VKORC1L1: variants seen among roughly 807,000 people sequenced by gnomAD.
VKORC1L1 encodes the protein vitamin K epoxide reductase complex subunit 1-like protein 1.
A neutral mutation model predicts 18.9 loss-of-function variants in VKORC1L1; 2 were observed. The observed-to-expected ratio is 0.11, with a 90% CI of 0.04 to 0.33. The LOEUF is 0.33. Ranked by LOEUF, VKORC1L1 falls within the 10% of genes least tolerant of loss-of-function variation. The probability of loss-of-function intolerance (pLI) is 1.00; values close to 1 mark genes in which losing one functional copy is unlikely to be tolerated. For synonymous variants in VKORC1L1, 96 were observed against 100.0 expected (o/e 0.96, Z 0.24); for missense variants, 123 against 224.1 (o/e 0.55, Z 2.88).
Position 65,873,168 on chromosome 7 carries a change from T to G in VKORC1L1, c.-204T>G, listed in dbSNP as rs974953283. The G allele has an allele frequency of 1.1e-4, 66 of 580,216 alleles. 1 individual carries two copies. In the Admixed American group the frequency reaches 4.1e-3, roughly 36 times the overall value. 35.9% of individuals were successfully genotyped at this position (580,216 alleles called of 1,614,324 possible). ...GCCTTCCCCGCCCCGTCCGCCTCAC[T>G]CCTTTTGGGGCGGTTGGGCCGCGCG... On this transcript the variant is annotated 5_prime_UTR_variant, in exon 1 of 3. Transcript: ENST00000360768.
chr7:65,929,680 G>GTATATATATATATATATATATA (rs150255530), intron 1 of VKORC1L1, among the ~76,000 whole-genome samples: 1,636 of 102,864 alleles, frequency 0.016, 15 homozygotes, highest in South Asian at 0.031. Context: ...ATGTGTGTGT[G>GTATATATATATATATATATATA]TGTATATATA....
intron 1 of VKORC1L1, among the ~76,000 whole-genome samples, chr7:65,908,961 A>G (rs1205443894): frequency 6.6e-6 from 1 of 150,878 alleles, no homozygotes; most frequent in Non-Finnish European, 1.5e-5. Context: ...CAGCTGAATT[A>G]CGTTTTAATA....
At chr7:65,886,611 C>T (rs1289238856) in intron 1 of VKORC1L1, among the ~76,000 whole-genome samples, 1 of 151,970 alleles carries the variant, frequency 6.6e-6, no homozygotes, top group African/African-American at 2.4e-5. Flanking sequence ...AATCTCGGCT[C>T]ACTGCAACCT....
intron 1 of VKORC1L1, among the ~76,000 whole-genome samples, chr7:65,879,261 G>A (rs1788883096): frequency 6.6e-6 from 1 of 152,094 alleles, no homozygotes; most frequent in Non-Finnish European, 1.5e-5. Flanking sequence ...TGTTCTAGTA[G>A]TTTTGACTAA....
chr7:65,888,778 T>A (rs1360097382), intron 1 of VKORC1L1, among the ~76,000 whole-genome samples: 1 of 152,228 alleles, frequency 6.6e-6, no homozygotes, highest in African/African-American at 2.4e-5. Flanking sequence ...TTCTCACATC[T>A]GCCTTCCTCC....
chr7:65,919,681 C>T (rs1789643855), intron 1 of VKORC1L1, among the ~76,000 whole-genome samples: 1 of 152,200 alleles, frequency 6.6e-6, no homozygotes, highest in African/African-American at 2.4e-5. Context: ...GGGATCATTG[C>T]AGTAGCAGAC....
intron 1 of VKORC1L1, among the ~76,000 whole-genome samples, chr7:65,896,552 CTCCT>C (rs143743754): frequency 0.022 from 3,169 of 144,000 alleles, 57 homozygotes; most frequent in Non-Finnish European, 0.035. Context: ...CCCTTCCTCC[CTCCT>C]TCCTTCCTTC....
intron 1 of VKORC1L1, among the ~76,000 whole-genome samples, chr7:65,901,892 TGTTCCCATTAGCCAGA>T (rs1427251823): frequency 6.6e-6 from 1 of 152,154 alleles, no homozygotes; most frequent in Non-Finnish European, 1.5e-5. Context: ...GAATAGTCTG[TGTTCCCATTAGCCAGA>T]GTATATACAA....
Position 65,958,766 on chromosome 7 carries a change from G to C in VKORC1L1, c.*4466G>C, listed in dbSNP as rs766931817. The C allele has an allele frequency of 6.6e-6, 1 of 152,142 alleles. No homozygotes were observed. Among genetic ancestry groups the C allele is most frequent in the Non-Finnish European group, 1.5e-5 (1 of 68,036 alleles). 9.4% of individuals were successfully genotyped at this position (152,142 alleles called of 1,614,324 possible). ...GTTCTTGGAATTCCTGTAGGTTTAC[G>C]GTGTATGTGATTGTCAAGAATTAAT... is the stretch of plus-strand genomic sequence containing the variant. On this transcript the variant is annotated 3_prime_UTR_variant, in exon 3 of 3. Coordinates refer to ENST00000360768, the MANE Select transcript of VKORC1L1 (RefSeq NM_173517.6).
chr7:65,934,564 C>T (rs969660987), intron 1 of VKORC1L1, among the ~76,000 whole-genome samples: 8 of 152,134 alleles, frequency 5.3e-5, no homozygotes, highest in Non-Finnish European at 1.2e-4. Context: ...CTATAACCAC[C>T]ATTCTACTCT....
chr7:65,881,665 T>C (rs1788929811), intron 1 of VKORC1L1, among the ~76,000 whole-genome samples: 1 of 152,216 alleles, frequency 6.6e-6, no homozygotes, highest in African/African-American at 2.4e-5. Flanking sequence ...AGTCCCATTT[T>C]GCATACAAAA....
intron 1 of VKORC1L1, among the ~76,000 whole-genome samples, chr7:65,903,236 A>G (rs140015873): frequency 0.13 from 18,873 of 144,146 alleles, 1,353 homozygotes; most frequent in Middle Eastern, 0.23. Context: ...GCATGAACTC[A>G]GCTCACTGCA....
At chr7:65,931,661 A>G (rs905133659) in intron 1 of VKORC1L1, among the ~76,000 whole-genome samples, 1 of 151,812 alleles carries the variant, frequency 6.6e-6, no homozygotes, top group Non-Finnish European at 1.5e-5. Flanking sequence ...TCTTTTTTTG[A>G]GATGCAGTCT....
intron 1 of VKORC1L1, among the ~76,000 whole-genome samples, chr7:65,928,254 C>CT (rs760146385): frequency 0.078 from 8,318 of 106,222 alleles, 499 homozygotes; most frequent in Non-Finnish European, 0.12. Context: ...TTTTTTCCTT[C>CT]TTTTTTTTTT....
chr7:65,879,553 G>T lies in VKORC1L1; in HGVS notation c.194+5988G>T, dbSNP rs552294422. 7.3e-4 allele frequency among the ~76,000 whole-genome samples: 111 copies of T among 152,262 alleles called. 1 individual carries two copies. The highest frequency in any genetic ancestry group is 1.9e-3 in the African/African-American group (80 of 41,558). On this transcript the variant is annotated intron_variant, in intron 1 of 2. Transcript: ENST00000360768. ...TTTACACATGAGAAAACTGAGCAAC[G>T]CAGACTAACACTTGATCCAGGTAGT...
At chr7:65,871,447 G>A (rs1447738005), upstream of VKORC1L1, among the ~76,000 whole-genome samples, 5 of 151,950 alleles carry the variant, frequency 3.3e-5, no homozygotes, top group African/African-American at 4.8e-5. Flanking sequence ...TACCCACCTC[G>A]GCCTCCCAAA....
chr7:65,910,080 G>A (rs1169655261), intron 1 of VKORC1L1, among the ~76,000 whole-genome samples: 1 of 152,052 alleles, frequency 6.6e-6, no homozygotes, highest in Non-Finnish European at 1.5e-5. Context: ...TCGTAAGGAA[G>A]TATTAAGATA....
chr7:65,879,903 G>T (rs1415286001), intron 1 of VKORC1L1, among the ~76,000 whole-genome samples: 1 of 149,860 alleles, frequency 6.7e-6, no homozygotes, highest in African/African-American at 2.5e-5. Flanking sequence ...CCCAGGCTGA[G>T]TGCAGTGGTG....
intron 1 of VKORC1L1, among the ~76,000 whole-genome samples, chr7:65,934,920 G>A (rs1297042667): frequency 6.6e-5 from 10 of 151,958 alleles, no homozygotes; most frequent in African/African-American, 2.4e-4. Context: ...CGGGCGTGGT[G>A]GTGGGTGCCT....
Sources: gnomAD v4.1 joint callset for allele counts (sites outside exome capture counted in the v4.1 genomes callset) on GRCh38, gnomAD v4.1.1 for gene constraint, MANE v1.5 for transcripts, NCBI Gene and HGNC (gene_info 2026-07-23, HGNC 2026-07-21) for gene names.